Variants in FNDC1 observed in about 807,000 individuals in gnomAD.
FNDC1 encodes the protein fibronectin type III domain containing 1, also known as fibronectin type III domain-containing protein 1.
A neutral mutation model predicts 168.0 loss-of-function variants in FNDC1; 96 were observed. The ratio of observed to expected loss-of-function variants is 0.57; its 90% CI spans 0.48 to 0.68. The LOEUF is 0.68. Ranked by LOEUF, FNDC1 falls within the 30% of genes least tolerant of loss-of-function variation. FNDC1 has a pLI of 0.00. For synonymous variants in FNDC1, 1,099 were observed against 1,025.9 expected, an observed-to-expected ratio of 1.07 and a Z score of -1.36; for missense variants, 2,587 against 2,482.1, an observed-to-expected ratio of 1.04 and a Z score of -0.90.
At chr6:159,231,697 T>C (rs1272609019) in intron 10 of FNDC1, among the ~76,000 whole-genome samples, 185 bp from the exon 11 acceptor site, 3 of 152,190 alleles carry the variant, frequency 2.0e-5, no homozygotes, top group Non-Finnish European at 4.4e-5. Flanking sequence ...TAAAGCAAAA[T>C]ATAAGTTTTA....
At chr6:159,262,663 T>C (rs1777509139) in intron 19 of FNDC1, among the ~76,000 whole-genome samples, 1 of 152,194 alleles carries the variant, frequency 6.6e-6, no homozygotes, top group Non-Finnish European at 1.5e-5. Flanking sequence ...AGAGTAAAAG[T>C]GATATACACG....
In FNDC1 at chr6:159,232,728, C is replaced by G; in HGVS notation, c.2216C>G (p.Pro739Arg). The G allele has an allele frequency of 6.2e-7, 1 of 1,613,950 alleles. No individual in the cohort carries two copies. Among genetic ancestry groups the G allele is most frequent in the Non-Finnish European group, 8.5e-7 (1 of 1,179,882 alleles). The part of the protein sequence containing the change: ...LLPTQPHLSS[P>R]LSKGGKDGED... ...CCCACCCAGCCACACCTGAGCTCTC[C>G]ACTTTCCAAGGGCGGGAAGGATGGT... Residue 739 changes from proline (P) to arginine (R), a missense_variant, in exon 11 of 23, where the codon CCA becomes CGA. By Grantham distance (103) the Pro-to-Arg change is moderately radical. Transcript: ENST00000297267. This position sits in a 1 kb window ranked among gnomAD's most constrained non-coding sequence, Gnocchi z 4.9.
At chr6:159,207,629 T>C (rs1240640723) in intron 4 of FNDC1, among the ~76,000 whole-genome samples, 1 of 152,214 alleles carries the variant, frequency 6.6e-6, no homozygotes, top group Non-Finnish European at 1.5e-5. Flanking sequence ...GCACTTTCCT[T>C]TTTAAACTTA....
Position 159,233,433 on chromosome 6 carries a change from G to A in FNDC1, c.2921G>A (p.Arg974His). The A allele has an allele frequency of 6.2e-7, 1 of 1,610,410 alleles. No homozygotes were observed. Among genetic ancestry groups the A allele is most frequent in the Non-Finnish European group, 8.5e-7 (1 of 1,179,126 alleles). Residue 974 changes from arginine (R) to histidine (H), a missense_variant, in exon 11 of 23, where the codon CGC becomes CAC. Coordinates refer to ENST00000297267, the MANE Select transcript of FNDC1 (RefSeq NM_032532.3). This position sits in a 1 kb window ranked among gnomAD's most constrained non-coding sequence, Gnocchi z 4.6. ...AAAGCACAGCCAGGGTCCACAGACC[G>A]CCACGCGTCCCCTGCTCGTCCGCCC... ...SPKAQPGSTD[R>H]HASPARPPAA...
intron 3 of FNDC1, 114 bp from the exon 4 acceptor site, chr6:159,200,399 A>G: frequency 1.2e-6 from 1 of 828,600 alleles, no homozygotes; most frequent in Admixed American, 2.4e-5. Context: ...GGCTGAGCAG[A>G]TCCTTTTGAA....
rs1294877651 is a variant in FNDC1, at chr6:159,234,382, C to A, written c.3870C>A (p.Phe1290Leu). The change falls in exon 11 of 23, where the codon TTC (phenylalanine) becomes TTA (leucine). Residue 1290 changes from phenylalanine (F) to leucine (L), a missense_variant. By Grantham distance (22) the Phe-to-Leu change is conservative (BLOSUM62 0). Coordinates refer to ENST00000297267, the MANE Select transcript of FNDC1 (RefSeq NM_032532.3). Reference sequence around the variant, plus strand: ...CCACGCGCGCCCCACCTGGCCACTTCTCCACCACCCCGATGCTGTCCTTGC... The same window carrying A: ...CCACGCGCGCCCCACCTGGCCACTTATCCACCACCCCGATGCTGTCCTTGC... ...QYTTRAPPGHFSTTPMLSLRQ... is the reference protein window; with the variant it reads ...QYTTRAPPGHLSTTPMLSLRQ... The A allele has an allele frequency of 6.2e-7, 1 of 1,613,316 alleles. No homozygotes were observed. The highest frequency in any genetic ancestry group is 8.5e-7 in the Non-Finnish European group (1 of 1,179,620).
At chr6:159,178,765 T>C (rs1054735356) in intron 1 of FNDC1, among the ~76,000 whole-genome samples, 2 of 150,958 alleles carry the variant, frequency 1.3e-5, no homozygotes, top group Non-Finnish European at 3.0e-5. Flanking sequence ...TTTTTGTAAA[T>C]GGAGAAATCA....
chr6:159,174,232 G>A (rs1781717968), intron 1 of FNDC1, among the ~76,000 whole-genome samples: 1 of 152,226 alleles, frequency 6.6e-6, no homozygotes, highest in South Asian at 2.1e-4. Context: ...CTGGGTCGCT[G>A]GGGGACAGTG....
At chr6:159,213,035 C>T (rs143311876) in intron 4 of FNDC1, among the ~76,000 whole-genome samples, 1 of 152,312 alleles carries the variant, frequency 6.6e-6, no homozygotes, top group East Asian at 1.9e-4. Flanking sequence ...TGGAGCTGTT[C>T]TAAGGACAGC....
chr6:159,249,224 C>T, intron 16 of FNDC1, 42 bp downstream of exon 16: 2 of 1,558,884 alleles, frequency 1.3e-6, no homozygotes, highest in East Asian at 2.3e-5. Context: ...GGGTTTTTAA[C>T]TTGTGGTCTT....
At chr6:159,231,749 A>G (rs1783087081) in intron 10 of FNDC1, 133 bp from the exon 11 acceptor site, 1 of 678,686 alleles carries the variant, frequency 1.5e-6, no homozygotes, top group Non-Finnish European at 2.4e-6. Flanking sequence ...CCAGTGTTCT[A>G]AGGAATTAGA....
intron 4 of FNDC1, among the ~76,000 whole-genome samples, 195 bp downstream of exon 4, chr6:159,200,776 G>T (rs1782363132): frequency 6.6e-6 from 1 of 152,184 alleles, no homozygotes; most frequent in African/African-American, 2.4e-5. Context: ...GTTGCTTATT[G>T]TTCACCGTTC....
Position 159,239,578 on chromosome 6 carries a change from T to A in FNDC1, c.4242T>A (p.His1414Gln). 1 of 1,600,528 alleles carries A rather than the reference T, an allele frequency of 6.2e-7. No homozygotes were observed. Among genetic ancestry groups the A allele is most frequent in the Non-Finnish European group, 8.5e-7 (1 of 1,173,332 alleles). ...DGLPLFGQGR[H>Q]GTPLANAQDK... ...TCCCACTCTTTGGGCAGGGGCGACA[T>A]GGCACACCTCTGGCCAATGCCCAAG... The change falls in exon 14 of 23, where the codon CAT (histidine) becomes CAA (glutamine). Residue 1414 changes from histidine to glutamine, a missense_variant. Transcript: ENST00000297267.
Position 159,221,676 on chromosome 6 carries a change from T to C in FNDC1, c.746T>C (p.Leu249Pro), listed in dbSNP as rs891333029. The change falls in exon 6 of 23, where the codon CTA becomes CCA. Residue 249 changes from leucine to proline, a missense_variant. Physicochemically the swap from Leu to Pro is moderately conservative, Grantham distance 98 (BLOSUM62 -3). Coordinates refer to ENST00000297267, the MANE Select transcript of FNDC1 (RefSeq NM_032532.3). ...GRSQPVYRAA[L>P]TKRKISEEDE... ...AGCCAACCAGTCTACAGGGCTGCCCTAACAAAGCGAAAGATTTCAGGTATG... is the reference window on the plus strand; with the variant it reads ...AGCCAACCAGTCTACAGGGCTGCCCCAACAAAGCGAAAGATTTCAGGTATG... 1 of 1,613,736 alleles carries C rather than the reference T, an allele frequency of 6.2e-7. No homozygotes were observed. The highest frequency in any genetic ancestry group is 1.3e-5 in the African/African-American group (1 of 74,942).
At chr6:159,195,058 C>T (rs918289425) in intron 1 of FNDC1, among the ~76,000 whole-genome samples, 4 of 151,722 alleles carry the variant, frequency 2.6e-5, no homozygotes, top group Non-Finnish European at 4.4e-5. Flanking sequence ...GAGGAGGTCG[C>T]GATATTTGGC....
Position 159,232,682 on chromosome 6 carries a change from G to T in FNDC1, c.2170G>T (p.Gly724Trp), listed in dbSNP as rs1218953231. 3.1e-6 allele frequency: 5 copies of T among 1,613,724 alleles called. No individual in the cohort carries two copies. Among genetic ancestry groups the T allele is most frequent in the Non-Finnish European group, 4.2e-6 (5 of 1,179,842 alleles). Reference sequence around the variant, plus strand: ...ACCCTCAAGACTTTCTCCACCCCATGGGGGATCATCTCGGCTGCTGCCCAC... The same window carrying T: ...ACCCTCAAGACTTTCTCCACCCCATTGGGGATCATCTCGGCTGCTGCCCAC... ...APPSRLSPPH[G>W]GSSRLLPTQP... Residue 724 changes from glycine to tryptophan, a missense_variant, in exon 11 of 23, where the codon GGG (glycine) becomes TGG (tryptophan). Transcript: ENST00000297267. This position sits in a 1 kb window ranked among gnomAD's most constrained non-coding sequence, Gnocchi z 4.9.
chr6:159,229,036 A>G (rs951851282), intron 9 of FNDC1, among the ~76,000 whole-genome samples: 1 of 152,198 alleles, frequency 6.6e-6, no homozygotes, highest in African/African-American at 2.4e-5. Flanking sequence ...AATAGGCATG[A>G]CAGTTTTTAG....
At position 159,231,917 on chromosome 6, in the gene FNDC1, A is replaced by G. The variant is rs1488979784; in HGVS notation, c.1405A>G (p.Asn469Asp). The G allele has an allele frequency of 1.9e-6, 3 of 1,612,466 alleles. No individual in the cohort carries two copies. Among genetic ancestry groups the G allele is most frequent in the African/African-American group, 2.7e-5 (2 of 74,814 alleles). ...GGATGTTGAGCAGAACACGGAGGAC[A>G]ATGGGAAACCCGAAAAACCTGAGCC... ...KADVEQNTED[N>D]GKPEKPEPSS... is the part of the protein sequence containing the mutation. Residue 469 changes from asparagine (N) to aspartate (D), a missense_variant, in exon 11 of 23, where the codon AAT becomes GAT. Coordinates refer to ENST00000297267, the MANE Select transcript of FNDC1 (RefSeq NM_032532.3).
intron 1 of FNDC1, among the ~76,000 whole-genome samples, chr6:159,186,968 T>C (rs1782014143): frequency 1.3e-5 from 2 of 152,200 alleles, no homozygotes; most frequent in Non-Finnish European, 2.9e-5. Flanking sequence ...AATAAAATAA[T>C]GCGTTGTTAT....
Sources: gnomAD v4.1 joint callset for allele counts (sites outside exome capture counted in the v4.1 genomes callset) on GRCh38, gnomAD v4.1.1 for gene constraint, Gnocchi (gnomAD v3.1) non-coding constraint, MANE v1.5 for transcripts, NCBI Gene and HGNC (gene_info 2026-07-23, HGNC 2026-07-21) for gene names.